WHRN: variants seen among roughly 807,000 people sequenced by gnomAD.
WHRN encodes whirlin.
A neutral mutation model predicts 68.3 loss-of-function variants in WHRN; 41 were observed. That is an observed-to-expected ratio of 0.60 (90% CI 0.47 to 0.78). The LOEUF is 0.78. Among genes scored for constraint, WHRN ranks in the 30% least tolerant of loss-of-function variants. WHRN has a pLI of 0.00. For missense variants in WHRN, 1,243 were observed against 1,244.7 expected, an observed-to-expected ratio of 1.00 and a Z score of 0.02; for synonymous variants, 560 against 561.3, an observed-to-expected ratio of 1.00 and a Z score of 0.03.
intron 1 of WHRN, among the ~76,000 whole-genome samples, chr9:114,499,698 T>C (rs923011977): frequency 3.3e-5 from 5 of 152,224 alleles, no homozygotes; most frequent in African/African-American, 9.6e-5. Flanking sequence ...CTGCAGGCAC[T>C]GACAGGTGCA....
At chr9:114,490,211 T>C (rs1234654838) in intron 1 of WHRN, among the ~76,000 whole-genome samples, 1 of 152,008 alleles carries the variant, frequency 6.6e-6, no homozygotes. Flanking sequence ...CAAGACCCCA[T>C]CCCTGAAATG....
At chr9:114,469,068 T>C (rs1240652536) in intron 2 of WHRN, among the ~76,000 whole-genome samples, 1 of 152,210 alleles carries the variant, frequency 6.6e-6, no homozygotes, top group African/African-American at 2.4e-5. Context: ...CACGCTCACT[T>C]CCTTGGGCTG....
chr9:114,427,836 T>C (rs1837018653), intron 3 of WHRN, among the ~76,000 whole-genome samples: 1 of 152,166 alleles, frequency 6.6e-6, no homozygotes, highest in Non-Finnish European at 1.5e-5. Flanking sequence ...GTGGGGTCTG[T>C]GCTGCATTTC....
At chr9:114,436,005 T>C (rs897830030) in intron 3 of WHRN, among the ~76,000 whole-genome samples, 1 of 152,208 alleles carries the variant, frequency 6.6e-6, no homozygotes, top group African/African-American at 2.4e-5. Context: ...TATTTAACAT[T>C]ATCCCAACAA....
chr9:114,431,402 T>C (rs1837410412), intron 3 of WHRN, among the ~76,000 whole-genome samples: 1 of 152,216 alleles, frequency 6.6e-6, no homozygotes, highest in African/African-American at 2.4e-5. Context: ...AGGGACTTGC[T>C]CAAGGTCACT....
At chr9:114,433,616 T>C (rs1837604500) in intron 3 of WHRN, among the ~76,000 whole-genome samples, 1 of 152,320 alleles carries the variant, frequency 6.6e-6, no homozygotes, top group East Asian at 1.9e-4. Flanking sequence ...TCATTACAAG[T>C]AAGCAATACA....
At chr9:114,491,413 G>A (rs578227278) in intron 1 of WHRN, among the ~76,000 whole-genome samples, 8 of 152,292 alleles carry the variant, frequency 5.3e-5, no homozygotes, top group Non-Finnish European at 7.3e-5. Flanking sequence ...AATGGGCACA[G>A]GATATCAGTC....
At chr9:114,487,383 A>C (rs1842638495) in intron 1 of WHRN, among the ~76,000 whole-genome samples, 1 of 152,004 alleles carries the variant, frequency 6.6e-6, no homozygotes, top group Non-Finnish European at 1.5e-5. Flanking sequence ...GATTACATAA[A>C]TCAACTCACA....
chr9:114,419,739 C>T (rs977927221), intron 7 of WHRN, among the ~76,000 whole-genome samples: 9 of 152,210 alleles, frequency 5.9e-5, no homozygotes, highest in Admixed American at 5.2e-4. Flanking sequence ...CTCAACATCA[C>T]GGGACAGAAA....
chr9:114,422,295 C>T (rs918698432), intron 7 of WHRN, among the ~76,000 whole-genome samples: 1 of 152,218 alleles, frequency 6.6e-6, no homozygotes, highest in Non-Finnish European at 1.5e-5. Context: ...AATGACCTAA[C>T]GGTGAGAAAC....
intron 5 of WHRN, among the ~76,000 whole-genome samples, chr9:114,424,765 C>T (rs1232903880): frequency 6.6e-6 from 1 of 152,198 alleles, no homozygotes; most frequent in Non-Finnish European, 1.5e-5. Flanking sequence ...CGCATGAGGG[C>T]AGGGACCTGG....
chr9:114,472,959 A>G (rs1017517484), intron 2 of WHRN, among the ~76,000 whole-genome samples: 1 of 152,242 alleles, frequency 6.6e-6, no homozygotes, highest in African/African-American at 2.4e-5. Flanking sequence ...ACAGTCACGA[A>G]GTTTCAAAAA....
At chr9:114,412,413 T>G (rs1396016894) in intron 7 of WHRN, among the ~76,000 whole-genome samples, 1 of 152,148 alleles carries the variant, frequency 6.6e-6, no homozygotes, top group Non-Finnish European at 1.5e-5. Flanking sequence ...AGAGCCTCAG[T>G]GAGGGCATAG....
At chr9:114,438,714 G>T (rs1342576326) in intron 3 of WHRN, among the ~76,000 whole-genome samples, 1 of 152,016 alleles carries the variant, frequency 6.6e-6, no homozygotes, top group East Asian at 1.9e-4. Context: ...GCCTCCCAAA[G>T]TGCTGGGATT....
chr9:114,417,690 C>G (rs946259545), intron 7 of WHRN, among the ~76,000 whole-genome samples: 2 of 152,206 alleles, frequency 1.3e-5, no homozygotes, highest in African/African-American at 2.4e-5. Context: ...ATTACTGCAG[C>G]AAAAGCTTAC....
At chr9:114,486,532 T>C (rs185034729) in intron 1 of WHRN, among the ~76,000 whole-genome samples, 7 of 152,306 alleles carry the variant, frequency 4.6e-5, no homozygotes, top group Admixed American at 3.3e-4. Context: ...GAACAAGATA[T>C]TCAATGAGTT....
At chr9:114,447,757 ACTTTCTCTCTCTCT>A (rs893530792) in intron 3 of WHRN, among the ~76,000 whole-genome samples, 3 of 77,746 alleles carry the variant, frequency 3.9e-5, no homozygotes, top group Non-Finnish European at 6.8e-5. Context: ...TCTCTCACAC[ACTTTCTCTCTCTCT>A]CTTTCTCTCT....
At chr9:114,471,455 G>A (rs139486317) in intron 2 of WHRN, among the ~76,000 whole-genome samples, 1 of 152,124 alleles carries the variant, frequency 6.6e-6, no homozygotes, top group Non-Finnish European at 1.5e-5. Context: ...TTTAACCAAT[G>A]CACCACACTG....
At position 114,504,168 on chromosome 9, in the gene WHRN, C is replaced by T. The variant is rs1419970851; in HGVS notation, c.618+16G>A. Reference sequence around the variant, plus strand: ...TCCATACTCTGCCCCAGACTCTCTCCAAACCACAGCCTTACCTTGACGGCC... The same window carrying T: ...TCCATACTCTGCCCCAGACTCTCTCTAAACCACAGCCTTACCTTGACGGCC... On this transcript the variant is annotated intron_variant, in intron 1 of 11. Coordinates refer to ENST00000362057, the MANE Select transcript of WHRN (RefSeq NM_015404.4). 1.2e-6 allele frequency: 2 copies of T among 1,613,924 alleles called. No individual in the cohort carries two copies. The highest frequency in any genetic ancestry group is 2.7e-5 in the African/African-American group (2 of 74,930).
Sources: allele counts gnomAD v4.1 joint callset (sites outside exome capture counted in the v4.1 genomes callset), GRCh38; gene constraint gnomAD v4.1.1; transcripts MANE v1.5; gene names NCBI Gene and HGNC (gene_info 2026-07-23, HGNC 2026-07-21).